Variants in ANKS1B observed in about 807,000 individuals in gnomAD.
The protein encoded by ANKS1B is ankyrin repeat and sterile alpha motif domain-containing protein 1B.
ANKS1B carries 36 observed loss-of-function variants against 148.3 expected under a neutral mutation model. That is an observed-to-expected ratio of 0.24 (90% CI 0.19 to 0.32). The LOEUF is 0.32. Ranked by LOEUF, ANKS1B falls within the 10% of genes least tolerant of loss-of-function variation. The pLI, the probability that ANKS1B is intolerant of heterozygous loss-of-function variation, is 1.00. For synonymous variants in ANKS1B, 542 were observed against 560.8 expected (o/e 0.97, Z 0.47); for missense variants, 1,157 against 1,542.6 (o/e 0.75, Z 4.19).
intron 8 of ANKS1B, among the ~76,000 whole-genome samples, chr12:99,680,998 C>A (rs1450734242): frequency 1.3e-5 from 2 of 152,054 alleles, no homozygotes; most frequent in Non-Finnish European, 2.9e-5. Flanking sequence ...GCAAGTCCTG[C>A]CCAAGGAGAG....
chr12:99,685,547 T>C (rs2098644468), intron 8 of ANKS1B, among the ~76,000 whole-genome samples: 1 of 152,064 alleles, frequency 6.6e-6, no homozygotes, highest in African/African-American at 2.4e-5. Context: ...TAAAAGTAGA[T>C]CTACCGTTTG....
intron 1 of ANKS1B, among the ~76,000 whole-genome samples, chr12:99,899,553 A>G (rs1489619900): frequency 1.3e-5 from 2 of 152,182 alleles, no homozygotes; most frequent in Non-Finnish European, 2.9e-5. Flanking sequence ...TAGCAATAGT[A>G]TTCATTTTAT....
chr12:98,751,381 G>T lies in ANKS1B; in HGVS notation c.3721C>A (p.Pro1241Thr). 2 of 1,613,880 alleles carry T rather than the reference G, an allele frequency of 1.2e-6. No homozygotes were observed. Among genetic ancestry groups the T allele is most frequent in the Non-Finnish European group, 8.5e-7 (1 of 1,179,798 alleles). The change falls in exon 26 of 27, where the codon CCC (proline) becomes ACC (threonine). Residue 1241 changes from proline (P) to threonine (T), a missense_variant. By Grantham distance (38) the Pro-to-Thr change is conservative. Coordinates refer to ENST00000683438, the MANE Select transcript of ANKS1B (RefSeq NM_001352186.2). This position sits in a 1 kb window ranked among gnomAD's most constrained non-coding sequence, Gnocchi z 4.3. ...ACGGACTTGCGAATGCTAACGCGGGGCTTGGGGATGGGTTTGGAGGGTTTG... is the reference window on the plus strand; with the variant it reads ...ACGGACTTGCGAATGCTAACGCGGGTCTTGGGGATGGGTTTGGAGGGTTTG... ...ENKPSKPIPKPRVSIRKSVQI... is the reference protein window; with the variant it reads ...ENKPSKPIPKTRVSIRKSVQI...
chr12:99,365,337 A>G (rs535801837), intron 12 of ANKS1B, among the ~76,000 whole-genome samples: 5 of 152,338 alleles, frequency 3.3e-5, no homozygotes, highest in South Asian at 4.1e-4. Context: ...ACCCAAGTAC[A>G]TATATCAGCA....
In ANKS1B at chr12:99,541,841, G is replaced by A. The variant is rs138967823; in HGVS notation, c.1273-37200C>T. Among the ~76,000 whole-genome samples the A allele has an allele frequency of 8.2e-3, 1,193 of 144,704 alleles. 10 individuals are homozygous for A. The highest frequency in any genetic ancestry group is 0.014 in the Non-Finnish European group (890 of 65,228). 94.9% of individuals were successfully genotyped at this position (144,704 alleles called of 152,430 possible). A position where few individuals can be genotyped will look rare whatever the true frequency, so the allele number is the denominator to read the frequency against. On this transcript the variant is annotated intron_variant, in intron 9 of 26. Transcript: ENST00000683438. ...CTGCACTCCAGCCTGGCAACAGAGC[G>A]AGACTCCGTCTAAAAAAAAAAAAGA...
At chr12:99,941,079 T>C (rs1259584641) in intron 1 of ANKS1B, among the ~76,000 whole-genome samples, 1 of 152,120 alleles carries the variant, frequency 6.6e-6, no homozygotes, top group Non-Finnish European at 1.5e-5. Flanking sequence ...TAGCAGAATA[T>C]CTGGTATGTC....
At chr12:99,757,575 A>G (rs1345713690) in intron 8 of ANKS1B, among the ~76,000 whole-genome samples, 1 of 152,126 alleles carries the variant, frequency 6.6e-6, no homozygotes, top group Non-Finnish European at 1.5e-5. Flanking sequence ...CAACACAGCA[A>G]TCCCATTACT....
intron 8 of ANKS1B, among the ~76,000 whole-genome samples, chr12:99,752,867 T>C (rs534128301): frequency 1.3e-5 from 2 of 152,180 alleles, no homozygotes; most frequent in South Asian, 4.1e-4. Flanking sequence ...TATATTTCAT[T>C]GCCATTAAAT....
chr12:99,662,685 T>G (rs1278942881), intron 8 of ANKS1B, among the ~76,000 whole-genome samples: 1 of 152,208 alleles, frequency 6.6e-6, no homozygotes, highest in African/African-American at 2.4e-5. Context: ...CTATTTGATT[T>G]CATGAAAGAA....
At chr12:99,517,252 T>C (rs2096830559) in intron 9 of ANKS1B, among the ~76,000 whole-genome samples, 1 of 152,142 alleles carries the variant, frequency 6.6e-6, no homozygotes, top group East Asian at 1.9e-4. Flanking sequence ...TTCCTAGTTA[T>C]TTAATTTTAG....
chr12:98,789,203 C>T (rs965659435), intron 22 of ANKS1B, among the ~76,000 whole-genome samples: 1 of 152,110 alleles, frequency 6.6e-6, no homozygotes. Flanking sequence ...ATTAGCTGGA[C>T]GTGGTGACGG....
chr12:99,968,082 C>T lies in ANKS1B; in HGVS notation c.134+16022G>A, dbSNP rs141678008. 6.8e-3 allele frequency among the ~76,000 whole-genome samples: 1,031 copies of T among 152,140 alleles called. 16 individuals are homozygous for T. The highest frequency in any genetic ancestry group is 0.023 in the African/African-American group (974 of 41,500). ...CTTAGAACCATGAAAGGAAGAAAGG[C>T]TAAGCAAAGGGACATAAGGGCACAG... On this transcript the variant is annotated intron_variant, in intron 1 of 26. Coordinates refer to ENST00000683438, the MANE Select transcript of ANKS1B (RefSeq NM_001352186.2).
At chr12:99,158,915 G>A (rs57941636) in intron 14 of ANKS1B, among the ~76,000 whole-genome samples, 10,000 of 152,182 alleles carry the variant, frequency 0.066, 893 homozygotes, top group African/African-American at 0.2. Flanking sequence ...AATCTAAGCT[G>A]TAGAGGTTCA....
At chr12:99,383,613 C>T (rs895475372) in intron 12 of ANKS1B, among the ~76,000 whole-genome samples, 3 of 152,132 alleles carry the variant, frequency 2.0e-5, no homozygotes, top group South Asian at 4.1e-4. Flanking sequence ...TATTACCTCC[C>T]TTTACAGGTC....
chr12:99,059,893 A>G (rs1049673451), intron 16 of ANKS1B, among the ~76,000 whole-genome samples: 1 of 151,134 alleles, frequency 6.6e-6, no homozygotes, highest in Non-Finnish European at 1.5e-5. Flanking sequence ...CTGTGACTGC[A>G]TTCTCAAATT....
intron 5 of ANKS1B, 143 bp downstream of exon 5, chr12:99,781,879 A>G (rs1310314253): frequency 3.0e-6 from 2 of 664,576 alleles, no homozygotes; most frequent in Non-Finnish European, 5.0e-6. Flanking sequence ...ACTCAGTTCT[A>G]CATAATATGA....
At chr12:99,052,327 A>C (rs1428154380) in intron 17 of ANKS1B, among the ~76,000 whole-genome samples, 1 of 152,260 alleles carries the variant, frequency 6.6e-6, no homozygotes, top group East Asian at 1.9e-4. Context: ...AGACAACGTA[A>C]GATTAGACAC....
intron 9 of ANKS1B, among the ~76,000 whole-genome samples, chr12:99,585,405 C>T (rs1597555923): frequency 6.6e-6 from 1 of 152,254 alleles, no homozygotes; most frequent in Admixed American, 6.5e-5. Context: ...GGGTACAGCC[C>T]CCCTCCCGGC....
At chr12:99,900,223 T>A (rs2093545802) in intron 1 of ANKS1B, among the ~76,000 whole-genome samples, 1 of 150,974 alleles carries the variant, frequency 6.6e-6, no homozygotes, top group African/African-American at 2.4e-5. Context: ...AAATCTTCTA[T>A]ATGGCCATGT....
Sources: gnomAD v4.1 joint callset for allele counts (sites outside exome capture counted in the v4.1 genomes callset) on GRCh38, gnomAD v4.1.1 for gene constraint, Gnocchi (gnomAD v3.1) non-coding constraint, MANE v1.5 for transcripts, NCBI Gene and HGNC (gene_info 2026-07-23, HGNC 2026-07-21) for gene names.